The following MGAT4C variants were observed in gnomAD, a reference collection of about 807,000 sequenced individuals.
The protein encoded by MGAT4C is alpha-1,3-mannosyl-glycoprotein 4-beta-N-acetylglucosaminyltransferase C.
MGAT4C carries 19 observed loss-of-function variants against 40.1 expected under a neutral mutation model. The observed-to-expected ratio is 0.47, with a 90% CI of 0.33 to 0.70. The LOEUF (loss-of-function observed/expected upper bound fraction) is 0.70, where lower values mean the gene tolerates loss of function less well. Ranked by LOEUF, MGAT4C falls within the 30% of genes least tolerant of loss-of-function variation. The pLI, the probability that MGAT4C is intolerant of heterozygous loss-of-function variation, is 0.02. For synonymous variants in MGAT4C, 181 were observed against 187.1 expected, an observed-to-expected ratio of 0.97 and a Z score of 0.27; for missense variants, 491 against 563.2, an observed-to-expected ratio of 0.87 and a Z score of 1.30.
At chr12:86,155,148 TAGG>T (rs1884778362) in intron 1 of MGAT4C, among the ~76,000 whole-genome samples, 1 of 152,158 alleles carries the variant, frequency 6.6e-6, no homozygotes, top group Admixed American at 6.5e-5. Flanking sequence ...AGGGAAGAGC[TAGG>T]AGAATTTAGA....
intron 1 of MGAT4C, among the ~76,000 whole-genome samples, chr12:86,748,464 C>A (rs1951185869): frequency 6.6e-6 from 1 of 151,768 alleles, no homozygotes; most frequent in Non-Finnish European, 1.5e-5. Context: ...ACATGCAAAC[C>A]TATTCAAGGA....
chr12:86,566,247 T>C (rs1457092875), intron 2 of MGAT4C, among the ~76,000 whole-genome samples: 2 of 151,758 alleles, frequency 1.3e-5, no homozygotes. Context: ...TTTTAGTCAG[T>C]GGGCTGGGAA....
chr12:85,961,706 C>G lies in MGAT4C; in HGVS notation c.*17583G>C, dbSNP rs538853914. 1.6e-4 allele frequency: 25 copies of G among 151,906 alleles called. No homozygotes were observed. Among genetic ancestry groups the G allele is most frequent in the African/African-American group, 5.1e-4 (21 of 41,546 alleles). 9.4% of individuals were successfully genotyped at this position (151,906 alleles called of 1,614,324 possible). ...CTCCAATTTATTTGAATTTTTCTGG[C>G]CTAACCTTGTTGGCATGAGAGTTCC... On this transcript the variant is annotated 3_prime_UTR_variant, in exon 5 of 5. Coordinates refer to ENST00000611864, the MANE Select transcript of MGAT4C (RefSeq NM_001351288.2).
In MGAT4C at chr12:86,415,627, A is replaced by G. The variant is rs542552636; in HGVS notation, c.-120+19530T>C. On this transcript the variant is annotated intron_variant, in intron 3 of 7. Transcript: ENST00000548651. ...TTTTAAAGCCAGAGAATGATATCCC[A>G]GTATTTGAATTTTAGAAAGATCATC... 6.6e-5 allele frequency among the ~76,000 whole-genome samples: 10 copies of G among 152,180 alleles called. No individual in the cohort carries two copies. The South Asian group carries it at 1.5e-3, about 22-fold the overall frequency.
At chr12:86,635,125 C>A (rs1434901192) in intron 2 of MGAT4C, among the ~76,000 whole-genome samples, 2 of 152,030 alleles carry the variant, frequency 1.3e-5, no homozygotes, top group Admixed American at 6.6e-5. Context: ...TACAAGTTTC[C>A]TTATAGTATT....
chr12:86,131,285 G>C (rs1161581269), intron 1 of MGAT4C, among the ~76,000 whole-genome samples: 1 of 151,978 alleles, frequency 6.6e-6, no homozygotes, highest in Non-Finnish European at 1.5e-5. Flanking sequence ...TAATATTCTG[G>C]GGATCAATAA....
At chr12:86,771,773 G>A (rs776647288) in intron 1 of MGAT4C, among the ~76,000 whole-genome samples, 1 of 151,562 alleles carries the variant, frequency 6.6e-6, no homozygotes, top group Non-Finnish European at 1.5e-5. Flanking sequence ...CTTTGGTAAG[G>A]TATTAGAGGG....
intron 1 of MGAT4C, among the ~76,000 whole-genome samples, chr12:86,157,821 C>T (rs574792376): frequency 2.0e-5 from 3 of 152,192 alleles, no homozygotes; most frequent in South Asian, 4.1e-4. Context: ...GTGGGGGAAA[C>T]GGCCCCCATA....
intron 3 of MGAT4C, among the ~76,000 whole-genome samples, chr12:86,378,394 C>T (rs904730148): frequency 6.6e-6 from 1 of 151,934 alleles, no homozygotes; most frequent in Admixed American, 6.6e-5. Context: ...TTCGTTTTTC[C>T]TTAGCTAATT....
intron 1 of MGAT4C, among the ~76,000 whole-genome samples, chr12:86,252,551 G>A (rs115792825): frequency 0.019 from 2,940 of 151,852 alleles, 79 homozygotes; most frequent in African/African-American, 0.067. Context: ...GTTGAATAGC[G>A]AATAAATATC....
At chr12:86,822,592 CA>C (rs1302493689) in intron 1 of MGAT4C, among the ~76,000 whole-genome samples, 3 of 150,684 alleles carry the variant, frequency 2.0e-5, no homozygotes, top group Non-Finnish European at 4.5e-5. Flanking sequence ...AAGCAAAATA[CA>C]AAAAAGGACA....
At chr12:86,306,039 A>T (rs1046092508) in intron 4 of MGAT4C, among the ~76,000 whole-genome samples, 3 of 150,594 alleles carry the variant, frequency 2.0e-5, no homozygotes, top group Non-Finnish European at 4.4e-5. Context: ...AAAGATACAT[A>T]TTGCAAGAAA....
At chr12:86,511,051 C>G (rs149801465) in intron 2 of MGAT4C, among the ~76,000 whole-genome samples, 12 of 152,230 alleles carry the variant, frequency 7.9e-5, no homozygotes, top group African/African-American at 2.9e-4. Flanking sequence ...TTTTTCAGCA[C>G]CACACCACAC....
At chr12:86,149,437 A>C (rs1883990862) in intron 1 of MGAT4C, among the ~76,000 whole-genome samples, 1 of 152,222 alleles carries the variant, frequency 6.6e-6, no homozygotes, top group African/African-American at 2.4e-5. Context: ...TAAAAGTTTA[A>C]TTCCAAAGTA....
At chr12:86,066,679 G>T (rs947864864) in intron 1 of MGAT4C, among the ~76,000 whole-genome samples, 1 of 152,088 alleles carries the variant, frequency 6.6e-6, no homozygotes, top group Non-Finnish European at 1.5e-5. Context: ...AACACCAAAA[G>T]AAATGGCAAC....
intron 2 of MGAT4C, among the ~76,000 whole-genome samples, chr12:86,693,422 A>G (rs1209855992): frequency 1.3e-5 from 2 of 152,144 alleles, no homozygotes; most frequent in Admixed American, 6.6e-5. Context: ...CCAAACTATG[A>G]AGTGTATTGT....
Position 85,958,040 on chromosome 12 carries a change from T to C in MGAT4C, c.*21249A>G. 1.7e-5 allele frequency: 1 copy of C among 59,660 alleles called. No individual in the cohort carries two copies. Among genetic ancestry groups the C allele is most frequent in the South Asian group, 3.1e-4 (1 of 3,212 alleles). 3.7% of individuals were successfully genotyped at this position (59,660 alleles called of 1,614,324 possible). On this transcript the variant is annotated 3_prime_UTR_variant, in exon 5 of 5. Coordinates refer to ENST00000611864, the MANE Select transcript of MGAT4C (RefSeq NM_001351288.2). ...TTTACAGTTTTTCTAAGTGTTTTTGTGTGTGTGTGTGTGTGTGTGTGTGTG... is the reference window on the plus strand; with the variant it reads ...TTTACAGTTTTTCTAAGTGTTTTTGCGTGTGTGTGTGTGTGTGTGTGTGTG...
At chr12:86,028,822 A>G (rs1017990757) in intron 2 of MGAT4C, among the ~76,000 whole-genome samples, 4 of 151,924 alleles carry the variant, frequency 2.6e-5, no homozygotes, top group African/African-American at 9.7e-5. Flanking sequence ...GAAAGTAAAT[A>G]AGTGGGGGAA....
intron 2 of MGAT4C, among the ~76,000 whole-genome samples, chr12:86,569,995 A>C (rs1960297483): frequency 6.6e-6 from 1 of 152,172 alleles, no homozygotes; most frequent in Non-Finnish European, 1.5e-5. Flanking sequence ...AATCTAAAAA[A>C]GTTGAACTCA....
Sources: gnomAD v4.1 joint callset for allele counts (sites outside exome capture counted in the v4.1 genomes callset) on GRCh38, gnomAD v4.1.1 for gene constraint, MANE v1.5 for transcripts, NCBI Gene and HGNC (gene_info 2026-07-23, HGNC 2026-07-21) for gene names.